TBC1D1: variants seen among roughly 807,000 people sequenced by gnomAD.
TBC1D1 encodes the protein TBC1 (tre-2/USP6, BUB2, cdc16) domain family, member 1.
A neutral mutation model predicts 125.6 loss-of-function variants in TBC1D1; 89 were observed. That is an observed-to-expected ratio of 0.71 (90% CI 0.60 to 0.85). The LOEUF (loss-of-function observed/expected upper bound fraction) is 0.85. TBC1D1 is among the 40% of genes least tolerant of loss of function. The pLI is 0.00. For missense variants in TBC1D1, 1,377 were observed against 1,469.2 expected (o/e 0.94, Z 1.03); for synonymous variants, 565 against 564.1 (o/e 1.00, Z -0.02).
chr4:37,966,340 C>T (rs1731054654), intron 2 of TBC1D1, among the ~76,000 whole-genome samples: 2 of 152,190 alleles, frequency 1.3e-5, no homozygotes. Context: ...TTATCTTCAC[C>T]TCACCCAGAG....
intron 6 of TBC1D1, 89 bp from the exon 7 acceptor site, chr4:38,027,699 G>T: frequency 1.5e-6 from 1 of 656,216 alleles, no homozygotes; most frequent in Non-Finnish European, 2.6e-6. Flanking sequence ...GGAAGAGAAT[G>T]TGAAGGGGAT....
At chr4:37,992,318 G>C (rs1736751368) in intron 2 of TBC1D1, among the ~76,000 whole-genome samples, 1 of 152,122 alleles carries the variant, frequency 6.6e-6, no homozygotes, top group Non-Finnish European at 1.5e-5. Context: ...TACACCCAAA[G>C]AGCTGAGGGA....
chr4:38,125,281 G>T (rs544673763), intron 18 of TBC1D1, 150 bp downstream of exon 20: 56 of 698,952 alleles, frequency 8.0e-5, no homozygotes, highest in Non-Finnish European at 1.3e-4. Flanking sequence ...TATCACAAAC[G>T]TGTGGAATGA....
intron 8 of TBC1D1, among the ~76,000 whole-genome samples, chr4:38,037,761 T>C (rs994024606): frequency 1.4e-4 from 22 of 152,044 alleles, no homozygotes; most frequent in African/African-American, 4.6e-4. Context: ...CGTGTCAGGG[T>C]CGGCAGGGAG....
At chr4:37,980,240 T>TA (rs71190936) in intron 2 of TBC1D1, among the ~76,000 whole-genome samples, 273 of 152,228 alleles carry the variant, frequency 1.8e-3, no homozygotes, top group African/African-American at 6.3e-3. Flanking sequence ...GATGTACTTT[T>TA]AAAAAAAATT....
At chr4:38,041,458 A>G (rs1748360978) in intron 8 of TBC1D1, among the ~76,000 whole-genome samples, 1 of 152,254 alleles carries the variant, frequency 6.6e-6, no homozygotes, top group African/African-American at 2.4e-5. Context: ...GACATTCCTC[A>G]TTATTTCCCT....
At chr4:37,923,020 A>G (rs540318345) in intron 2 of TBC1D1, among the ~76,000 whole-genome samples, 4 of 152,040 alleles carry the variant, frequency 2.6e-5, no homozygotes, top group Admixed American at 2.6e-4. Context: ...GGTTTGTTAC[A>G]TAAGTATACA....
intron 17 of TBC1D1, among the ~76,000 whole-genome samples, chr4:38,124,700 C>T (rs991698640): frequency 2.6e-5 from 4 of 152,138 alleles, no homozygotes; most frequent in African/African-American, 7.2e-5. Context: ...AAACCTTTTT[C>T]CCTTTCCCAG....
At chr4:38,131,266 G>A (rs1041672548) in intron 18 of TBC1D1, among the ~76,000 whole-genome samples, 1 of 152,174 alleles carries the variant, frequency 6.6e-6, no homozygotes, top group Admixed American at 6.5e-5. Context: ...GGCTTTCCAG[G>A]TTAGGAGATC....
At chr4:37,990,913 G>A (rs1244932489) in intron 2 of TBC1D1, among the ~76,000 whole-genome samples, 1 of 152,206 alleles carries the variant, frequency 6.6e-6, no homozygotes. Flanking sequence ...GGGGAGTAGT[G>A]TGGTGTTTCC....
chr4:38,118,083 C>T lies in TBC1D1; in HGVS notation c.2853C>T (p.Leu951=). ...TGCTTCATGATTACCACAGAGACCT[C>T]TACAATCACCTGGAGGAGCACGAGA... Residue 951 remains leucine (L), a synonymous_variant, in exon 17 of 20, where the codon CTC becomes CTT. Coordinates refer to ENST00000261439, the MANE Select transcript of TBC1D1 (RefSeq NM_015173.4). 1 of 1,614,200 alleles carries T rather than the reference C, an allele frequency of 6.2e-7. No homozygotes were observed. The highest frequency in any genetic ancestry group is 8.5e-7 in the Non-Finnish European group (1 of 1,180,010).
intron 13 of TBC1D1, among the ~76,000 whole-genome samples, chr4:38,093,718 A>T (rs1480454487): frequency 6.6e-6 from 1 of 150,840 alleles, no homozygotes; most frequent in African/African-American, 2.4e-5. Flanking sequence ...GTAGTAGTAG[A>T]GATGGGGTTT....
intron 2 of TBC1D1, among the ~76,000 whole-genome samples, chr4:37,979,367 G>C (rs185295165): frequency 7.1e-4 from 108 of 152,298 alleles, no homozygotes; most frequent in African/African-American, 2.4e-3. Context: ...GTGTTATCCT[G>C]TGAAAGATTT....
At position 38,118,047 on chromosome 4, in the gene TBC1D1, G is replaced by T. The variant is rs1451952868; in HGVS notation, c.2817G>T (p.Gln939His). The T allele has an allele frequency of 1.2e-6, 2 of 1,614,112 alleles. No individual in the cohort carries two copies. Among genetic ancestry groups the T allele is most frequent in the Admixed American group, 3.3e-5 (2 of 60,016 alleles). ...TCTTCCTGCAGATCCAGATGTACCA[G>T]CTCTCGAGGTTGCTTCATGATTACC... The change falls in exon 17 of 20, where the codon CAG becomes CAT. Residue 939 changes from glutamine (Q) to histidine (H), a missense_variant. Gln to His is a conservative substitution (Grantham distance 24). Around this residue, in one of 3 missense-constraint regions of TBC1D1, gnomAD observed 543 missense variants for 613.5 expected, o/e 0.89. Transcript: ENST00000261439.
At chr4:38,058,612 A>C (rs1219268340) in intron 12 of TBC1D1, among the ~76,000 whole-genome samples, 1 of 152,196 alleles carries the variant, frequency 6.6e-6, no homozygotes, top group East Asian at 1.9e-4. Flanking sequence ...CCTGTTTTAC[A>C]TTTATATTCT....
chr4:38,107,622 A>G (rs1761566113), intron 15 of TBC1D1, among the ~76,000 whole-genome samples: 1 of 130,334 alleles, frequency 7.7e-6, no homozygotes, highest in Non-Finnish European at 1.5e-5. Flanking sequence ...TTTCCTCCAA[A>G]GAGTAAGAAT....
At chr4:38,122,930 C>T (rs1207053316) in intron 17 of TBC1D1, among the ~76,000 whole-genome samples, 1 of 152,184 alleles carries the variant, frequency 6.6e-6, no homozygotes, top group African/African-American at 2.4e-5. Flanking sequence ...CTCCAAATTT[C>T]CTTTCCGGGA....
chr4:38,113,198 C>T lies in TBC1D1; in HGVS notation c.2558-2512C>T, dbSNP rs189267610. Among the ~76,000 whole-genome samples, 133 of 152,282 alleles carry T rather than the reference C, an allele frequency of 8.7e-4. 1 individual carries two copies. Among genetic ancestry groups the T allele is most frequent in the Admixed American group, 3.9e-3 (60 of 15,310 alleles). On this transcript the variant is annotated intron_variant, in intron 15 of 19. Coordinates refer to ENST00000261439, the MANE Select transcript of TBC1D1 (RefSeq NM_015173.4). ...ATTATTAGGAATTTCAAGACAGAGA[C>T]AACAGAGCATGAAGCCTTGTGCAAG...
At position 37,977,896 on chromosome 4, in the gene TBC1D1, T is replaced by TGTCTCCCTCGCGG. The variant is rs1675989353; in HGVS notation, c.418-36610_418-36598dup. On this transcript the variant is annotated intron_variant, in intron 2 of 19. Coordinates refer to ENST00000261439, the MANE Select transcript of TBC1D1 (RefSeq NM_015173.4). This position sits in a 1 kb window ranked among gnomAD's most constrained non-coding sequence, Gnocchi z 4.3. ...GGACCTCGCGGAAGTCGACCCCGCG[T>TGTCTCCCTCGCGG]GTCTCCCTCGCGGGTGTCGCCCTCG... 1.3e-5 allele frequency among the ~76,000 whole-genome samples: 2 copies of TGTCTCCCTCGCGG among 152,016 alleles called. No homozygotes were observed. Among genetic ancestry groups the TGTCTCCCTCGCGG allele is most frequent in the Admixed American group, 1.3e-4 (2 of 15,290 alleles).
Sources: allele counts gnomAD v4.1 joint callset (sites outside exome capture counted in the v4.1 genomes callset), GRCh38; gene constraint gnomAD v4.1.1; regional missense constraint gnomAD v4.1.1; non-coding constraint Gnocchi (gnomAD v3.1); transcripts MANE v1.5; gene names NCBI Gene and HGNC (gene_info 2026-07-23, HGNC 2026-07-21).